Variants in IDO2 observed in about 807,000 individuals in gnomAD.
IDO2 encodes indoleamine 2,3-dioxygenase-like 1 protein.
Under a neutral mutation model 45.1 loss-of-function variants are expected in IDO2, and 46 were observed. The ratio of observed to expected loss-of-function variants is 1.02; its 90% CI spans 0.80 to 1.30. The LOEUF is 1.30. Among genes scored for constraint, IDO2 ranks in the 50% most tolerant of loss-of-function variants. IDO2 has a pLI of 0.00. For synonymous variants in IDO2, 218 were observed against 184.9 expected (o/e 1.18, Z -1.45); for missense variants, 544 against 491.8 (o/e 1.11, Z -1.00).
rs964218340 is a variant in IDO2, at chr8:39,979,328, G to C, written c.315+142G>C. 5.2e-6 allele frequency: 3 copies of C among 582,194 alleles called. No individual in the cohort carries two copies. In the African/African-American group the frequency reaches 5.8e-5, roughly 11 times the overall value. 36.1% of individuals were successfully genotyped at this position (582,194 alleles called of 1,614,324 possible). ...GATGGGCATCAGTTTAAGCAACGATGAAGGGCTCATTTATTATTTATTATT... is the reference window on the plus strand; with the variant it reads ...GATGGGCATCAGTTTAAGCAACGATCAAGGGCTCATTTATTATTTATTATT... On this transcript the variant is annotated intron_variant, in intron 4 of 10. Coordinates refer to ENST00000502986, the Ensembl canonical transcript of IDO2.
At chr8:40,013,464 A>G in intron 9 of IDO2, 101 bp from the exon 10 acceptor site, 1 of 1,182,714 alleles carries the variant, frequency 8.5e-7, no homozygotes. Context: ...ATTACCATTG[A>G]AATCATGTTC....
intron 3 of IDO2, among the ~76,000 whole-genome samples, chr8:39,976,196 C>T (rs1808257667): frequency 6.6e-6 from 1 of 152,090 alleles, no homozygotes. Context: ...CCGCTTGTCT[C>T]AAACTCCTGA....
intron 8 of IDO2, among the ~76,000 whole-genome samples, chr8:39,997,178 A>T (rs1455647618): frequency 6.6e-6 from 1 of 152,226 alleles, no homozygotes; most frequent in Non-Finnish European, 1.5e-5. Flanking sequence ...ACTATATTTT[A>T]TTAAAAGGGC....
At chr8:39,983,169 A>C (rs1808378277) in intron 5 of IDO2, among the ~76,000 whole-genome samples, 1 of 152,250 alleles carries the variant, frequency 6.6e-6, no homozygotes, top group South Asian at 2.1e-4. Flanking sequence ...GGATGAATTC[A>C]GAGCAGATGC....
chr8:39,970,800 C>T (rs867396434), intron 3 of IDO2, among the ~76,000 whole-genome samples: 5 of 138,042 alleles, frequency 3.6e-5, no homozygotes, highest in Non-Finnish European at 4.6e-5. Flanking sequence ...CAGAGTCTCA[C>T]TCTGTCGCCA....
intron 8 of IDO2, among the ~76,000 whole-genome samples, chr8:40,004,852 T>G (rs1802195980): frequency 6.6e-6 from 1 of 152,228 alleles, no homozygotes; most frequent in African/African-American, 2.4e-5. Context: ...TGACCTAGTG[T>G]GGCAATCCCT....
chr8:40,011,458 A>G (rs190901266), intron 9 of IDO2, among the ~76,000 whole-genome samples: 3 of 152,206 alleles, frequency 2.0e-5, no homozygotes, highest in African/African-American at 4.8e-5. Flanking sequence ...TCCCCATAAA[A>G]TGTTGTTCAT....
At chr8:39,956,211 A>G (rs1181796436) in intron 2 of IDO2, among the ~76,000 whole-genome samples, 1 of 152,014 alleles carries the variant, frequency 6.6e-6, no homozygotes, top group African/African-American at 2.4e-5. Context: ...GGCACGCACC[A>G]CCATGCCTGG....
chr8:39,937,068 T>C (rs1419664127), intron 1 of IDO2, among the ~76,000 whole-genome samples: 1 of 152,228 alleles, frequency 6.6e-6, no homozygotes, highest in Non-Finnish European at 1.5e-5. Flanking sequence ...AAGAATATGA[T>C]TGCACAGCTA....
chr8:40,005,169 G>A (rs934493981), intron 8 of IDO2, among the ~76,000 whole-genome samples, 158 bp from the exon 9 acceptor site: 3 of 152,242 alleles, frequency 2.0e-5, no homozygotes, highest in Non-Finnish European at 4.4e-5. Context: ...GGCAACTGCA[G>A]AAGAGAACAT....
intron 8 of IDO2, among the ~76,000 whole-genome samples, chr8:40,003,631 A>T (rs952586815): frequency 6.6e-6 from 1 of 152,164 alleles, no homozygotes; most frequent in East Asian, 1.9e-4. Context: ...TCTAATAATT[A>T]TCAGTAGATT....
At chr8:39,967,768 G>A (rs553502045) in intron 3 of IDO2, among the ~76,000 whole-genome samples, 20 of 152,302 alleles carry the variant, frequency 1.3e-4, no homozygotes, top group Non-Finnish European at 2.5e-4. Flanking sequence ...GATTACAGGC[G>A]TGAGCCACCG....
At chr8:40,005,429 G>C in intron 9 of IDO2, 51 bp downstream of exon 9, 4 of 1,215,008 alleles carry the variant, frequency 3.3e-6, no homozygotes, top group Non-Finnish European at 4.6e-6. Context: ...AGCATTGACT[G>C]AATGTATAAG....
intron 5 of IDO2, among the ~76,000 whole-genome samples, chr8:39,984,569 G>A (rs767504363): frequency 7.9e-5 from 12 of 152,268 alleles, no homozygotes; most frequent in South Asian, 4.1e-4. Context: ...CCAGAGATGC[G>A]GACACAGTCC....
chr8:39,988,827 T>C (rs1808461978), intron 7 of IDO2, among the ~76,000 whole-genome samples: 3 of 152,140 alleles, frequency 2.0e-5, no homozygotes, highest in South Asian at 4.1e-4. Context: ...TTAAACTCCA[T>C]GGTTACTTTA....
rs1448049410 is a variant in IDO2, at chr8:39,949,277, C to T, written c.99+13C>T. 1.9e-6 allele frequency: 3 copies of T among 1,566,466 alleles called. No homozygotes were observed. The highest frequency in any genetic ancestry group is 2.6e-6 in the Non-Finnish European group (3 of 1,151,822). On this transcript the variant is annotated intron_variant, in intron 2 of 10. Transcript: ENST00000502986. Reference sequence around the variant, plus strand: ...TCCAGATTCTCTGGTAAGGATAGAGCCTTGGTAAGGATAGGTCAGAATATG... The same window carrying T: ...TCCAGATTCTCTGGTAAGGATAGAGTCTTGGTAAGGATAGGTCAGAATATG...
exon 5 of IDO2, chr8:39,982,728 C>CCCTCCT: frequency 6.2e-7 from 1 of 1,610,320 alleles, no homozygotes; most frequent in Non-Finnish European, 8.5e-7. Context: ...CTGGTCCACT[C>CCCTCCT]AGACTTGGTG....
intron 2 of IDO2, among the ~76,000 whole-genome samples, chr8:39,955,342 C>A (rs1458881664): frequency 6.7e-6 from 1 of 148,772 alleles, no homozygotes; most frequent in African/African-American, 2.5e-5. Flanking sequence ...GAAACCTCTG[C>A]CTCCTGGGTT....
intron 1 of IDO2, among the ~76,000 whole-genome samples, chr8:39,937,547 G>A (rs1431544627): frequency 2.0e-5 from 3 of 150,560 alleles, no homozygotes; most frequent in Non-Finnish European, 4.4e-5. Context: ...TTGAGACAAG[G>A]TGTCACATTG....
Sources: gnomAD v4.1 joint callset for allele counts (sites outside exome capture counted in the v4.1 genomes callset) on GRCh38, gnomAD v4.1.1 for gene constraint, MANE v1.5 for transcripts, NCBI Gene and HGNC (gene_info 2026-07-23, HGNC 2026-07-21) for gene names.